Variants in RANBP17 observed in about 807,000 individuals in gnomAD.
RANBP17 encodes RAN binding protein 17, also known as ran-binding protein 17.
A neutral mutation model predicts 141.2 loss-of-function variants in RANBP17; 158 were observed. The observed-to-expected ratio is 1.12, with a 90% CI of 0.98 to 1.28. The LOEUF (loss-of-function observed/expected upper bound fraction) is 1.28. RANBP17 is among the 50% of genes most tolerant of loss of function. The probability of loss-of-function intolerance (pLI) is 0.00; values close to 1 mark genes in which losing one functional copy is unlikely to be tolerated. For missense variants in RANBP17, 1,438 were observed against 1,290.7 expected (o/e 1.11, Z -1.75); for synonymous variants, 430 against 450.0 (o/e 0.96, Z 0.56).
intron 8 of RANBP17, among the ~76,000 whole-genome samples, chr5:170,915,154 T>C (rs1261490931): frequency 1.3e-5 from 2 of 152,166 alleles, no homozygotes; most frequent in East Asian, 3.8e-4. Context: ...GTAAAAACCA[T>C]GGTTTCATGT....
chr5:170,981,153 A>T (rs933211228), intron 14 of RANBP17, among the ~76,000 whole-genome samples: 6 of 152,176 alleles, frequency 3.9e-5, no homozygotes, highest in Non-Finnish European at 8.8e-5. Context: ...TATTTATCCA[A>T]TGCCTATACC....
At chr5:171,062,546 C>G (rs1380215565) in intron 14 of RANBP17, among the ~76,000 whole-genome samples, 1 of 152,210 alleles carries the variant, frequency 6.6e-6, no homozygotes, top group Non-Finnish European at 1.5e-5. Context: ...GTCTGATGGG[C>G]TTCCCTTTGA....
rs186724205 is a variant in RANBP17, at chr5:171,254,479, C to A, written c.2777-11202C>A. On this transcript the variant is annotated intron_variant, in intron 24 of 27. Coordinates refer to ENST00000523189, the MANE Select transcript of RANBP17 (RefSeq NM_022897.5). ...CAGCCTGGATAGTGAGCTAAACAAA[C>A]CCTTTGAAGATTACATTTTAATCAA... Among the ~76,000 whole-genome samples the A allele has an allele frequency of 4.8e-3, 731 of 152,122 alleles. 4 individuals carry two copies. The highest frequency in any genetic ancestry group is 0.017 in the African/African-American group (713 of 41,490).
intron 16 of RANBP17, among the ~76,000 whole-genome samples, chr5:171,171,859 C>A (rs1005229256): frequency 2.6e-5 from 4 of 151,874 alleles, no homozygotes; most frequent in African/African-American, 9.7e-5. Flanking sequence ...AAATAAGATT[C>A]CCCATTATAC....
intron 3 of RANBP17, among the ~76,000 whole-genome samples, chr5:170,886,550 T>G (rs1769171211): frequency 6.6e-6 from 1 of 152,168 alleles, no homozygotes; most frequent in South Asian, 2.1e-4. Flanking sequence ...AATAGATTTG[T>G]GTATATTTTA....
At chr5:170,982,785 T>C (rs1777863402) in intron 14 of RANBP17, among the ~76,000 whole-genome samples, 1 of 152,102 alleles carries the variant, frequency 6.6e-6, no homozygotes, top group African/African-American at 2.4e-5. Flanking sequence ...AGGTATAGTA[T>C]TGGAAATTCA....
chr5:171,065,416 A>G (rs997503781), intron 14 of RANBP17, among the ~76,000 whole-genome samples: 2 of 152,144 alleles, frequency 1.3e-5, no homozygotes, highest in African/African-American at 4.8e-5. Flanking sequence ...CACAGTTTAC[A>G]GTAGGTTTCC....
At chr5:171,182,136 G>T (rs1358736404) in intron 16 of RANBP17, among the ~76,000 whole-genome samples, 1 of 152,184 alleles carries the variant, frequency 6.6e-6, no homozygotes, top group Non-Finnish European at 1.5e-5. Context: ...GAGATGATGT[G>T]AAGGAAAAAG....
chr5:170,932,203 CTGTT>C (rs534010575), intron 12 of RANBP17, among the ~76,000 whole-genome samples: 4,583 of 152,136 alleles, frequency 0.03, 224 homozygotes, highest in African/African-American at 0.1. Context: ...ATTTGGCTAT[CTGTT>C]TGTCTGTTAT....
At chr5:170,942,677 A>G (rs572968707) in intron 12 of RANBP17, among the ~76,000 whole-genome samples, 7 of 152,306 alleles carry the variant, frequency 4.6e-5, no homozygotes, top group African/African-American at 1.4e-4. Context: ...ATGGAGGTAG[A>G]TGTGACAGTA....
intron 11 of RANBP17, among the ~76,000 whole-genome samples, chr5:170,920,668 C>T (rs1214655788): frequency 1.3e-5 from 2 of 151,956 alleles, no homozygotes; most frequent in African/African-American, 4.8e-5. Context: ...CAATGTCTTG[C>T]CACGTTGTCT....
chr5:170,914,380 A>G, intron 8 of RANBP17, 140 bp downstream of exon 8: 1 of 609,002 alleles, frequency 1.6e-6, no homozygotes, highest in Non-Finnish European at 2.9e-6. Context: ...TGGGATGTAT[A>G]CTGCTTAAAC....
intron 14 of RANBP17, among the ~76,000 whole-genome samples, chr5:170,974,679 AC>A (rs2127539922): frequency 6.6e-6 from 1 of 152,210 alleles, no homozygotes; most frequent in South Asian, 2.1e-4. Context: ...TATTTTTGGA[AC>A]TGGAGGTGGC....
chr5:170,979,294 C>T (rs1777602469), intron 14 of RANBP17, among the ~76,000 whole-genome samples: 1 of 152,002 alleles, frequency 6.6e-6, no homozygotes, highest in Admixed American at 6.6e-5. Context: ...AAATTTTATG[C>T]CTTTCTCTAT....
At chr5:171,142,247 T>C (rs1314759830) in intron 14 of RANBP17, among the ~76,000 whole-genome samples, 1 of 152,206 alleles carries the variant, frequency 6.6e-6, no homozygotes, top group Non-Finnish European at 1.5e-5. Flanking sequence ...AGATGATAGG[T>C]GATTCTTAAA....
intron 14 of RANBP17, among the ~76,000 whole-genome samples, chr5:171,041,121 C>A (rs1782223168): frequency 6.6e-6 from 1 of 152,110 alleles, no homozygotes; most frequent in South Asian, 2.1e-4. Flanking sequence ...ACATGAAGCC[C>A]TCCATAGGGC....
intron 25 of RANBP17, among the ~76,000 whole-genome samples, chr5:171,282,770 G>A (rs1021188066): frequency 1.3e-5 from 2 of 152,038 alleles, no homozygotes; most frequent in Non-Finnish European, 2.9e-5. Flanking sequence ...GTGAGCCACC[G>A]CACCTGGCTG....
intron 25 of RANBP17, among the ~76,000 whole-genome samples, chr5:171,275,652 T>G (rs1466087047): frequency 1.3e-5 from 2 of 152,144 alleles, no homozygotes; most frequent in South Asian, 2.1e-4. Context: ...ATAATAAAAT[T>G]TTATTGTCTA....
chr5:171,140,824 C>T (rs940893795), intron 14 of RANBP17, among the ~76,000 whole-genome samples: 2 of 152,170 alleles, frequency 1.3e-5, no homozygotes, highest in Non-Finnish European at 2.9e-5. Context: ...ACCTCTTCAT[C>T]CTACTCTTAC....
Sources: gnomAD v4.1 joint callset for allele counts (sites outside exome capture counted in the v4.1 genomes callset) on GRCh38, gnomAD v4.1.1 for gene constraint, MANE v1.5 for transcripts, NCBI Gene and HGNC (gene_info 2026-07-23, HGNC 2026-07-21) for gene names.